Variants in LRRC7 observed in about 807,000 individuals in gnomAD.
The protein encoded by LRRC7 is leucine rich repeat containing 7.
Under a neutral mutation model 175.7 loss-of-function variants are expected in LRRC7, and 23 were observed. The observed-to-expected ratio is 0.13, with a 90% confidence interval of 0.09 to 0.19. LRRC7 has a LOEUF of 0.19. Ranked by LOEUF, LRRC7 falls within the 10% of genes least tolerant of loss-of-function variation. The probability of loss-of-function intolerance (pLI) is 1.00; values close to 1 mark genes in which losing one functional copy is unlikely to be tolerated. For synonymous variants in LRRC7, 685 were observed against 680.9 expected (o/e 1.01, Z -0.09); for missense variants, 1,354 against 1,904.7 (o/e 0.71, Z 5.38).
chr1:69,629,683 T>C (rs1297472911), intron 1 of LRRC7, among the ~76,000 whole-genome samples: 3 of 152,162 alleles, frequency 2.0e-5, no homozygotes. Flanking sequence ...TTCAATATAT[T>C]CTCAATTACT....
At chr1:69,742,280 C>T (rs763638188) in intron 2 of LRRC7, among the ~76,000 whole-genome samples, 11 of 151,832 alleles carry the variant, frequency 7.2e-5, no homozygotes, top group Non-Finnish European at 1.6e-4. Flanking sequence ...TATTGGTTTG[C>T]ATCAGAATTA....
chr1:69,860,785 AAG>A, intron 7 of LRRC7, among the ~76,000 whole-genome samples: 1 of 152,178 alleles, frequency 6.6e-6, no homozygotes, highest in Non-Finnish European at 1.5e-5. Flanking sequence ...AAGGACATAA[AAG>A]AAGATTTGAA....
At chr1:69,709,099 T>G (rs1332168272) in intron 2 of LRRC7, among the ~76,000 whole-genome samples, 1 of 152,254 alleles carries the variant, frequency 6.6e-6, no homozygotes, top group Non-Finnish European at 1.5e-5. Context: ...ACTATTTGAT[T>G]AGTGTCTGTC....
chr1:69,747,708 A>G (rs1326057885), intron 2 of LRRC7, among the ~76,000 whole-genome samples: 1 of 152,198 alleles, frequency 6.6e-6, no homozygotes, highest in Non-Finnish European at 1.5e-5. Context: ...CACTTATTAC[A>G]ACATGAATCA....
At chr1:70,115,225 A>G (rs781167598) in intron 26 of LRRC7, among the ~76,000 whole-genome samples, 7 of 152,252 alleles carry the variant, frequency 4.6e-5, no homozygotes, top group Non-Finnish European at 1.0e-4. Flanking sequence ...AAAGATCAAT[A>G]GCAAGGATGA....
At chr1:69,792,249 A>G (rs753831138) in intron 4 of LRRC7, 89 bp downstream of exon 4, 2 of 781,030 alleles carry the variant, frequency 2.6e-6, no homozygotes, top group Non-Finnish European at 4.2e-6. Context: ...ATCTAAAATA[A>G]CTTTTTCTTT....
At position 70,124,264 on chromosome 1, in the gene LRRC7, C is replaced by T. The variant is rs1033442109; in HGVS notation, c.*2377C>T. Among the ~76,000 whole-genome samples the T allele has an allele frequency of 9.9e-5, 15 of 152,220 alleles. No homozygotes were observed. Among genetic ancestry groups the T allele is most frequent in the Non-Finnish European group, 4.4e-5 (3 of 68,048 alleles). On this transcript the variant is annotated 3_prime_UTR_variant, in exon 27 of 27. Transcript: ENST00000651989. ...GGCAGGCCAGGCGTGGTGGCTCACA[C>T]TAGTAATCCCCACACTTTGGGAGGC...
chr1:69,919,890 C>A, intron 7 of LRRC7: 1 of 662,932 alleles, frequency 1.5e-6, no homozygotes, highest in Admixed American at 2.2e-5. Flanking sequence ...GCCTGCTGGC[C>A]AGTGGCCGAA....
intron 1 of LRRC7, among the ~76,000 whole-genome samples, chr1:69,580,559 G>A (rs746048685): frequency 1.3e-5 from 2 of 152,084 alleles, no homozygotes; most frequent in Non-Finnish European, 2.9e-5. Context: ...AGACACTAGG[G>A]TGCAATATAT....
chr1:69,836,976 C>T (rs1341774255), intron 6 of LRRC7, among the ~76,000 whole-genome samples: 1 of 151,600 alleles, frequency 6.6e-6, no homozygotes, highest in Non-Finnish European at 1.5e-5. Flanking sequence ...AAATATTTCC[C>T]CAAACATTAA....
intron 2 of LRRC7, among the ~76,000 whole-genome samples, chr1:69,722,143 A>G (rs1666431027): frequency 6.6e-6 from 1 of 151,846 alleles, no homozygotes; most frequent in African/African-American, 2.4e-5. Context: ...GTACACATAT[A>G]TATATATATA....
chr1:69,879,075 A>G (rs902773510), intron 7 of LRRC7, among the ~76,000 whole-genome samples: 2 of 150,066 alleles, frequency 1.3e-5, no homozygotes, highest in Non-Finnish European at 3.0e-5. Flanking sequence ...GTGTAGATGT[A>G]GTTTATCAGT....
intron 8 of LRRC7, among the ~76,000 whole-genome samples, chr1:69,975,969 C>T (rs1056320339): frequency 1.3e-5 from 2 of 151,876 alleles, no homozygotes; most frequent in East Asian, 1.9e-4. Flanking sequence ...GCTTTCCTTT[C>T]CCTTGACCCC....
intron 7 of LRRC7, among the ~76,000 whole-genome samples, chr1:69,849,359 G>T (rs572459569): frequency 6.6e-6 from 1 of 151,910 alleles, no homozygotes; most frequent in East Asian, 1.9e-4. Context: ...AGTCATTAAG[G>T]CTATCTATTG....
chr1:69,607,759 C>A (rs558952550), intron 1 of LRRC7: 2 of 152,052 alleles, frequency 1.3e-5, no homozygotes, highest in East Asian at 1.9e-4. Flanking sequence ...AGGTACAGTT[C>A]TATCAAAGAC....
intron 23 of LRRC7, among the ~76,000 whole-genome samples, chr1:70,057,813 G>A (rs915133887): frequency 6.6e-6 from 1 of 152,060 alleles, no homozygotes; most frequent in East Asian, 1.9e-4. Context: ...CAAAACCTTA[G>A]ACACATAAAG....
At chr1:69,592,519 T>C (rs914697004) in intron 1 of LRRC7, among the ~76,000 whole-genome samples, 5 of 152,094 alleles carry the variant, frequency 3.3e-5, no homozygotes, top group Admixed American at 2.6e-4. Flanking sequence ...CAAACACTAT[T>C]GTAAATGTTC....
chr1:70,086,940 G>A (rs373774845), intron 24 of LRRC7, among the ~76,000 whole-genome samples: 47 of 152,110 alleles, frequency 3.1e-4, no homozygotes, highest in South Asian at 6.2e-4. Context: ...CAGGCAGGTG[G>A]AACTACTTAT....
intron 4 of LRRC7, among the ~76,000 whole-genome samples, chr1:69,823,809 C>T (rs1679583139): frequency 6.6e-6 from 1 of 152,188 alleles, no homozygotes; most frequent in East Asian, 1.9e-4. Flanking sequence ...TGTATAATCT[C>T]TTTTAATCCT....
Sources: gnomAD v4.1 joint callset for allele counts (sites outside exome capture counted in the v4.1 genomes callset) on GRCh38, gnomAD v4.1.1 for gene constraint, MANE v1.5 for transcripts, NCBI Gene and HGNC (gene_info 2026-07-23, HGNC 2026-07-21) for gene names.